MGAT4C: variants seen among roughly 807,000 people sequenced by gnomAD.
MGAT4C encodes MGAT4 family member C.
A neutral mutation model predicts 40.1 loss-of-function variants in MGAT4C; 19 were observed. The observed-to-expected ratio is 0.47, with a 90% CI of 0.33 to 0.70. The LOEUF is 0.70. MGAT4C is among the 30% of genes least tolerant of loss of function. MGAT4C has a pLI of 0.02. For synonymous variants in MGAT4C, 181 were observed against 187.1 expected (o/e 0.97, Z 0.27); for missense variants, 491 against 563.2 (o/e 0.87, Z 1.30).
chr12:86,797,486 A>AT (rs201169256), intron 1 of MGAT4C, among the ~76,000 whole-genome samples: 1,828 of 151,644 alleles, frequency 0.012, 19 homozygotes, highest in Middle Eastern at 0.075. Flanking sequence ...TGTAACAGAT[A>AT]TTTTTTTTCA....
At chr12:86,594,375 G>C (rs189899713) in intron 2 of MGAT4C, among the ~76,000 whole-genome samples, 42 of 152,214 alleles carry the variant, frequency 2.8e-4, no homozygotes, top group Admixed American at 9.8e-4. Context: ...TTCATTTACT[G>C]TATGTTCTCA....
intron 2 of MGAT4C, among the ~76,000 whole-genome samples, chr12:86,511,820 T>A (rs752122184): frequency 1.1e-3 from 175 of 152,276 alleles, no homozygotes; most frequent in Non-Finnish European, 1.9e-3. Context: ...GAAAGCTTCA[T>A]GACATTGGTC....
intron 2 of MGAT4C, among the ~76,000 whole-genome samples, chr12:86,504,305 T>G (rs1592928109): frequency 6.6e-6 from 1 of 152,156 alleles, no homozygotes; most frequent in African/African-American, 2.4e-5. Context: ...ACCAAAAAAT[T>G]TGGTACATAT....
At chr12:86,278,950 C>T (rs1281089409) in intron 4 of MGAT4C, among the ~76,000 whole-genome samples, 1 of 49,340 alleles carries the variant, frequency 2.0e-5, no homozygotes, top group African/African-American at 5.3e-5. Context: ...TTTTGTCCTT[C>T]AGTCAGTTGA....
rs1003385277 is a variant in MGAT4C, at chr12:86,319,354, C to T, written c.-57+14711G>A. On this transcript the variant is annotated intron_variant, in intron 4 of 7. Transcript: ENST00000548651. ...CTTCTTTAGATGTACTGATACCCCA[C>T]ATACATGCATAAGAAATCTCTCTCA... Among the ~76,000 whole-genome samples the T allele has an allele frequency of 5.3e-4, 80 of 152,270 alleles. 1 individual carries two copies. Among genetic ancestry groups the T allele is most frequent in the African/African-American group, 1.9e-3 (79 of 41,568 alleles).
intron 2 of MGAT4C, among the ~76,000 whole-genome samples, chr12:86,516,962 C>A (rs1165441698): frequency 6.6e-6 from 1 of 152,146 alleles, no homozygotes; most frequent in African/African-American, 2.4e-5. Flanking sequence ...CATCATTAGT[C>A]ATTTGAGAGA....
At chr12:86,827,896 T>G (rs1952839182) in intron 1 of MGAT4C, among the ~76,000 whole-genome samples, 1 of 151,448 alleles carries the variant, frequency 6.6e-6, no homozygotes, top group Non-Finnish European at 1.5e-5. Flanking sequence ...TCGTATGCTT[T>G]CTGGGAAATC....
At chr12:86,138,260 A>AC (rs1312573963) in intron 1 of MGAT4C, among the ~76,000 whole-genome samples, 1 of 148,238 alleles carries the variant, frequency 6.7e-6, no homozygotes, top group Admixed American at 6.8e-5. Context: ...TGCACTCTAT[A>AC]CCCCCTCCTT....
upstream of MGAT4C, among the ~76,000 whole-genome samples, chr12:86,259,451 A>G (rs1592607152): frequency 6.6e-6 from 1 of 152,086 alleles, no homozygotes; most frequent in Non-Finnish European, 1.5e-5. Context: ...AAAATTCTAA[A>G]TGTAAAAATG....
rs1249468922 is a variant in MGAT4C, at chr12:85,970,400, C to T, written c.*8889G>A. The T allele has an allele frequency of 1.3e-5, 2 of 151,250 alleles. No individual in the cohort carries two copies. Among genetic ancestry groups the T allele is most frequent in the Admixed American group, 6.6e-5 (1 of 15,150 alleles). 9.4% of individuals were successfully genotyped at this position (151,250 alleles called of 1,614,324 possible). On this transcript the variant is annotated 3_prime_UTR_variant, in exon 5 of 5. Coordinates refer to ENST00000611864, the MANE Select transcript of MGAT4C (RefSeq NM_001351288.2). ...TTATCTTGTGGTCTGGAAATACACC[C>T]TAAATTATTGGGTCAAGTTAGTGAA...
At chr12:86,649,802 T>C (rs1046780303) in intron 2 of MGAT4C, among the ~76,000 whole-genome samples, 6 of 151,914 alleles carry the variant, frequency 3.9e-5, no homozygotes, top group Admixed American at 2.6e-4. Flanking sequence ...ATCTGTAGGG[T>C]ATTGATAATT....
At chr12:86,744,189 A>T (rs1165028164) in intron 1 of MGAT4C, among the ~76,000 whole-genome samples, 6 of 151,502 alleles carry the variant, frequency 4.0e-5, no homozygotes, top group Non-Finnish European at 7.4e-5. Flanking sequence ...AGCAAGGGCT[A>T]ATTTATGGCC....
In MGAT4C at chr12:86,317,589, T is replaced by G. The variant is rs74735581; in HGVS notation, c.-57+16476A>C. On this transcript the variant is annotated intron_variant, in intron 4 of 7. Transcript: ENST00000548651. ...TAGGAAGGATGTGTGACTGGGATGG[T>G]AGTTTTGACTTTGGGCTTATTTTAT... Among the ~76,000 whole-genome samples the G allele has an allele frequency of 2.8e-3, 432 of 152,224 alleles. 15 individuals carry two copies. In the East Asian group the frequency reaches 0.046, roughly 16 times the overall value.
intron 2 of MGAT4C, among the ~76,000 whole-genome samples, chr12:86,458,279 T>A (rs1021758991): frequency 3.3e-5 from 5 of 152,218 alleles, no homozygotes; most frequent in Non-Finnish European, 7.3e-5. Flanking sequence ...CATCAAGTTG[T>A]CTAGCCTTCA....
intron 1 of MGAT4C, among the ~76,000 whole-genome samples, chr12:86,161,784 A>G (rs114744662): frequency 1.1e-4 from 17 of 152,262 alleles, no homozygotes; most frequent in African/African-American, 3.8e-4. Flanking sequence ...CTCAGAATCT[A>G]TAGGGGACTT....
rs1884904050 is a variant in MGAT4C at position 85,983,808 on chromosome 12, C to T, written c.148-138G>A. Reference sequence around the variant, plus strand: ...TTATATAAATCTCAACTACTGACGTCATAAGCTGTAGCTCATCATCACTCA... The same window carrying T: ...TTATATAAATCTCAACTACTGACGTTATAAGCTGTAGCTCATCATCACTCA... On this transcript the variant is annotated intron_variant, in intron 3 of 4. Transcript: ENST00000611864. 24 of 639,320 alleles carry T rather than the reference C, an allele frequency of 3.8e-5. No individual in the cohort carries two copies. The South Asian group carries it at 7.4e-4, about 20-fold the overall frequency. The allele number at this position is 639,320 out of a possible 1,614,324, so 39.6% of individuals were successfully genotyped here. A position where few individuals can be genotyped will look rare whatever the true frequency, so the allele number is the denominator to read the frequency against.
rs1882844513 is a variant in MGAT4C, at chr12:85,957,288, G to T, written c.*22001C>A. ...ATTATTTGTGAAAGACCAAGGCCAA[G>T]GATCTTGCCCCTCATTCTATAATGA... On this transcript the variant is annotated 3_prime_UTR_variant, in exon 5 of 5. Coordinates refer to ENST00000611864, the MANE Select transcript of MGAT4C (RefSeq NM_001351288.2). 1 of 152,064 alleles carries T rather than the reference G, an allele frequency of 6.6e-6. No individual in the cohort carries two copies. The highest frequency in any genetic ancestry group is 2.4e-5 in the African/African-American group (1 of 41,424). 9.4% of individuals were successfully genotyped at this position (152,064 alleles called of 1,614,324 possible).
intron 3 of MGAT4C, among the ~76,000 whole-genome samples, chr12:86,386,970 A>G (rs549478940): frequency 6.6e-6 from 1 of 152,292 alleles, no homozygotes; most frequent in East Asian, 1.9e-4. Flanking sequence ...TAAGCTACCA[A>G]TTGAATAAAA....
At chr12:86,527,321 A>T (rs1397913383) in intron 2 of MGAT4C, among the ~76,000 whole-genome samples, 1 of 152,180 alleles carries the variant, frequency 6.6e-6, no homozygotes, top group Non-Finnish European at 1.5e-5. Context: ...GGTTGTAAAT[A>T]CATGAATTTG....
Sources: gnomAD v4.1 joint callset for allele counts (sites outside exome capture counted in the v4.1 genomes callset) on GRCh38, gnomAD v4.1.1 for gene constraint, MANE v1.5 for transcripts, NCBI Gene and HGNC (gene_info 2026-07-23, HGNC 2026-07-21) for gene names.